SLC23A2: variants seen among roughly 807,000 people sequenced by gnomAD.
The protein encoded by SLC23A2 is solute carrier family 23 member 2.
SLC23A2 carries 36 observed loss-of-function variants against 73.3 expected under a neutral mutation model. That is an observed-to-expected ratio of 0.49 (90% CI 0.38 to 0.65). The LOEUF is 0.65. Ranked by LOEUF, SLC23A2 falls within the 30% of genes least tolerant of loss-of-function variation. The probability of loss-of-function intolerance (pLI) is 0.00; values close to 1 mark genes in which losing one functional copy is unlikely to be tolerated. For synonymous variants in SLC23A2, 343 were observed against 327.3 expected, an observed-to-expected ratio of 1.05 and a Z score of -0.52; for missense variants, 507 against 841.6, an observed-to-expected ratio of 0.60 and a Z score of 4.92.
intron 3 of SLC23A2, among the ~76,000 whole-genome samples, chr20:4,916,982 A>T (rs1201187781): frequency 6.6e-6 from 1 of 152,214 alleles, no homozygotes; most frequent in Admixed American, 6.5e-5. Flanking sequence ...GTCAAGGAAC[A>T]TCTGTATTAT....
At chr20:4,895,091 A>T (rs1422764623) in intron 6 of SLC23A2, among the ~76,000 whole-genome samples, 1 of 152,274 alleles carries the variant, frequency 6.6e-6, no homozygotes, top group Non-Finnish European at 1.5e-5. Context: ...TGCAGGATAC[A>T]GAACCGAAAC....
chr20:4,967,932 A>G (rs1016582974), intron 2 of SLC23A2, among the ~76,000 whole-genome samples: 2 of 152,234 alleles, frequency 1.3e-5, no homozygotes, highest in African/African-American at 4.8e-5. Flanking sequence ...AACGAAAGGT[A>G]CGAGCAAGCC....
chr20:4,923,691 T>C (rs1932574200), intron 3 of SLC23A2, among the ~76,000 whole-genome samples: 1 of 152,194 alleles, frequency 6.6e-6, no homozygotes, highest in African/African-American at 2.4e-5. Context: ...CGTTTTAAGA[T>C]CTAAGTACTC....
At chr20:4,946,343 T>A (rs2087118617) in intron 2 of SLC23A2, among the ~76,000 whole-genome samples, 1 of 152,094 alleles carries the variant, frequency 6.6e-6, no homozygotes, top group Non-Finnish European at 1.5e-5. Context: ...AAAGGGTCCC[T>A]GGGCAAACAC....
Position 4,932,603 on chromosome 20 carries a change from G to A in SLC23A2, c.-41C>T. ...GTTTACACAGCCGTTGGGGAGAGCA[G>A]CTGGAAGTGAAGGCTTATTCAAGCT... On this transcript the variant is annotated 5_prime_UTR_variant, in exon 3 of 17. Coordinates refer to ENST00000338244, the MANE Select transcript of SLC23A2 (RefSeq NM_005116.6). 1 of 1,097,132 alleles carries A rather than the reference G, an allele frequency of 9.1e-7. No individual in the cohort carries two copies. 68.0% of individuals were successfully genotyped at this position (1,097,132 alleles called of 1,614,324 possible).
intron 2 of SLC23A2, among the ~76,000 whole-genome samples, chr20:4,956,132 T>A (rs1485310800): frequency 6.6e-6 from 1 of 152,232 alleles, no homozygotes; most frequent in African/African-American, 2.4e-5. Context: ...AAATATCTAA[T>A]CTGATTAACA....
rs771231130 is a variant in SLC23A2 at position 4,862,815 on chromosome 20, C to T, written c.1449G>A (p.Pro483=). 2.3e-5 allele frequency: 37 copies of T among 1,613,948 alleles called. No homozygotes were observed. In the African/African-American group the frequency reaches 2.7e-4, roughly 12 times the overall value. The change falls in exon 14 of 17, where the codon CCG becomes CCA. Residue 483 remains proline (P), a synonymous_variant. Coordinates refer to ENST00000338244, the MANE Select transcript of SLC23A2 (RefSeq NM_005116.6). This position sits in a 1 kb window ranked among gnomAD's most constrained non-coding sequence, Gnocchi z 5.1. ...GKFSALFASL[P]DPVLGALFCT... ...AGAACAGGGCTCCCAGCACAGGATC[C>T]GGAAGGGACGCAAAGAGGGCGCTGA...
intron 1 of SLC23A2, among the ~76,000 whole-genome samples, chr20:4,979,177 C>G (rs1018504711): frequency 6.6e-6 from 1 of 151,816 alleles, no homozygotes; most frequent in African/African-American, 2.4e-5. Flanking sequence ...CCTGTAATCC[C>G]GGCTACTCAG....
intron 2 of SLC23A2, among the ~76,000 whole-genome samples, chr20:4,959,588 C>T (rs1056419829): frequency 6.6e-6 from 1 of 152,194 alleles, no homozygotes; most frequent in Non-Finnish European, 1.5e-5. Context: ...GCCTCAACCT[C>T]CCGGGCTCAA....
rs764677786 is a variant in SLC23A2, at chr20:4,862,131, G to A, written c.1487-46C>T. 19 of 1,605,530 alleles carry A rather than the reference G, an allele frequency of 1.2e-5. No homozygotes were observed. The highest frequency in any genetic ancestry group is 1.5e-5 in the Non-Finnish European group (18 of 1,174,856). On this transcript the variant is annotated intron_variant, in intron 14 of 16. Transcript: ENST00000338244. This position sits in a 1 kb window ranked among gnomAD's most constrained non-coding sequence, Gnocchi z 5.1. ...CCACAAGCTCCAGCACCACTACAGC[G>A]GGGACAGCTCAAGGCAGGTGAGGGC...
chr20:4,987,904 A>G (rs528446766), intron 1 of SLC23A2, among the ~76,000 whole-genome samples: 3 of 151,982 alleles, frequency 2.0e-5, no homozygotes, highest in African/African-American at 7.2e-5. Context: ...CTTGAATACC[A>G]CTAAAGAATA....
At chr20:4,951,660 T>C (rs2087204796) in intron 2 of SLC23A2, among the ~76,000 whole-genome samples, 1 of 152,176 alleles carries the variant, frequency 6.6e-6, no homozygotes. Flanking sequence ...GTTTTAGGAT[T>C]CTCTGCAGGA....
chr20:4,974,858 G>T (rs191001278), intron 1 of SLC23A2, among the ~76,000 whole-genome samples: 22 of 152,296 alleles, frequency 1.4e-4, no homozygotes, highest in African/African-American at 5.1e-4. Flanking sequence ...CGTGATCTCA[G>T]CTCACTGCAA....
chr20:4,984,856 C>T (rs926374897), intron 1 of SLC23A2, among the ~76,000 whole-genome samples: 2 of 151,882 alleles, frequency 1.3e-5, no homozygotes, highest in African/African-American at 2.4e-5. Context: ...AACATAGAAT[C>T]GGCCAGGCAT....
chr20:4,908,641 T>C (rs1203256936), intron 4 of SLC23A2, among the ~76,000 whole-genome samples: 1 of 152,228 alleles, frequency 6.6e-6, no homozygotes, highest in Non-Finnish European at 1.5e-5. Context: ...AGAATTGTAC[T>C]GTAGGGACCG....
At position 5,006,630 on chromosome 20, in the gene SLC23A2, A is replaced by G. The variant is rs113681985; in HGVS notation, c.-282+3552T>C. Reference sequence around the variant, plus strand: ...GGCCAGGCTGGAGTGCAGTGGTACAATCTTGGCTCAAGCAATTCTCCTGCC... The same window carrying G: ...GGCCAGGCTGGAGTGCAGTGGTACAGTCTTGGCTCAAGCAATTCTCCTGCC... On this transcript the variant is annotated intron_variant, in intron 1 of 16. Transcript: ENST00000379333. Among the ~76,000 whole-genome samples, 1,333 of 150,558 alleles carry G rather than the reference A, an allele frequency of 8.9e-3. 28 individuals are homozygous for G. The highest frequency in any genetic ancestry group is 0.031 in the African/African-American group (1,273 of 41,034).
chr20:4,861,893 G>C (rs1929979628), intron 15 of SLC23A2, 55 bp downstream of exon 15: 3 of 1,594,640 alleles, frequency 1.9e-6, no homozygotes, highest in Non-Finnish European at 2.6e-6. Flanking sequence ...GCTGCGTGTG[G>C]ACTGGCGGCT....
intron 3 of SLC23A2, among the ~76,000 whole-genome samples, chr20:4,931,789 GA>G (rs1269946349): frequency 1.3e-5 from 2 of 152,042 alleles, no homozygotes; most frequent in South Asian, 2.1e-4. Flanking sequence ...AAAAAGGAAA[GA>G]AAAAAATCCT....
intron 2 of SLC23A2, among the ~76,000 whole-genome samples, chr20:4,951,314 G>A (rs1047459186): frequency 6.6e-6 from 1 of 152,136 alleles, no homozygotes; most frequent in Admixed American, 6.5e-5. Context: ...GGGAAATGAA[G>A]AACCAGCACT....
Sources: gnomAD v4.1 joint callset for allele counts (sites outside exome capture counted in the v4.1 genomes callset) on GRCh38, gnomAD v4.1.1 for gene constraint, Gnocchi (gnomAD v3.1) non-coding constraint, MANE v1.5 for transcripts, NCBI Gene and HGNC (gene_info 2026-07-23, HGNC 2026-07-21) for gene names.